FAM184A: variants seen among roughly 807,000 people sequenced by gnomAD.
FAM184A encodes the protein protein FAM184A.
In FAM184A, 99 loss-of-function variants were observed where a neutral mutation model predicts 143.8. The observed-to-expected ratio is 0.69, with a 90% CI of 0.58 to 0.81. The LOEUF is 0.81. Ranked by LOEUF, FAM184A falls within the 40% of genes least tolerant of loss-of-function variation. FAM184A has a pLI of 0.00. For synonymous variants in FAM184A, 427 were observed against 446.4 expected, an observed-to-expected ratio of 0.96 and a Z score of 0.55; for missense variants, 1,217 against 1,310.5, an observed-to-expected ratio of 0.93 and a Z score of 1.10.
At chr6:119,031,358 T>C (rs1785864473) in intron 1 of FAM184A, 1 of 152,152 alleles carries the variant, frequency 6.6e-6, no homozygotes, top group Non-Finnish European at 1.5e-5. Context: ...ACTGGTGCTA[T>C]TACATGAAGA....
At chr6:119,006,284 T>G (rs1784917283) in intron 7 of FAM184A, 163 bp downstream of exon 7, 1 of 772,976 alleles carries the variant, frequency 1.3e-6, no homozygotes, top group Non-Finnish European at 2.2e-6. Context: ...AGAATAAATT[T>G]CTGTTGTTTT....
At chr6:119,000,129 CAAT>C (rs1784700932) in intron 9 of FAM184A, among the ~76,000 whole-genome samples, 3 of 151,916 alleles carry the variant, frequency 2.0e-5, no homozygotes, top group Non-Finnish European at 4.4e-5. Flanking sequence ...TTTTTCAGTC[CAAT>C]GCTTTAAGGC....
intron 1 of FAM184A, among the ~76,000 whole-genome samples, chr6:119,089,792 G>A (rs9320675): frequency 0.2 from 30,137 of 151,944 alleles, 4,549 homozygotes; most frequent in African/African-American, 0.42. Flanking sequence ...GGTAAACATC[G>A]TTATAAAAGA....
rs1783781265 is a variant in FAM184A, at chr6:118,974,317, T to C, written c.2915+111A>G. On this transcript the variant is annotated intron_variant, in intron 14 of 17. Coordinates refer to ENST00000338891, the MANE Select transcript of FAM184A (RefSeq NM_024581.6). ...TCTGTAACACAGCACTAAAATTTTC[T>C]TTTTAAAGTATCCTTTTTATTAGAG... 3 of 1,049,708 alleles carry C rather than the reference T, an allele frequency of 2.9e-6. No individual in the cohort carries two copies. In the South Asian group the frequency reaches 5.5e-5, roughly 19 times the overall value. The allele number at this position is 1,049,708 out of a possible 1,614,324, so 65.0% of individuals were successfully genotyped here.
At chr6:119,005,716 A>G (rs907743862) in intron 7 of FAM184A, 82 of 179,022 alleles carry the variant, frequency 4.6e-4, no homozygotes, top group African/African-American at 1.8e-3. Flanking sequence ...TATACTCTAA[A>G]CCATCTCTCT....
chr6:119,072,607 T>C (rs1043870133), intron 1 of FAM184A, among the ~76,000 whole-genome samples: 2 of 152,202 alleles, frequency 1.3e-5, no homozygotes, highest in Non-Finnish European at 2.9e-5. Flanking sequence ...CATTCTGGTT[T>C]TGGATATAGT....
intron 1 of FAM184A, among the ~76,000 whole-genome samples, chr6:119,110,036 C>T (rs1788891874): frequency 6.6e-6 from 1 of 152,184 alleles, no homozygotes; most frequent in South Asian, 2.1e-4. Context: ...TTGGGCGCTG[C>T]TTCACCTAAC....
At chr6:119,133,989 A>G (rs1015441361) in intron 1 of FAM184A, among the ~76,000 whole-genome samples, 2 of 151,806 alleles carry the variant, frequency 1.3e-5, no homozygotes, top group African/African-American at 4.8e-5. Flanking sequence ...GCGAGTAAGC[A>G]TTTCTTGAAG....
intron 1 of FAM184A, among the ~76,000 whole-genome samples, chr6:119,031,115 C>A (rs1785853350): frequency 6.6e-6 from 1 of 151,936 alleles, no homozygotes; most frequent in African/African-American, 2.4e-5. Flanking sequence ...ATCAGATAAT[C>A]TTTCCCCCAG....
intron 1 of FAM184A, among the ~76,000 whole-genome samples, chr6:119,066,576 T>C (rs193087561): frequency 1.5e-4 from 23 of 152,262 alleles, no homozygotes; most frequent in African/African-American, 5.5e-4. Flanking sequence ...GAAGTAAGAA[T>C]AGAGAGAGCA....
chr6:119,142,296 G>T (rs1041255361), intron 1 of FAM184A, among the ~76,000 whole-genome samples: 1 of 152,172 alleles, frequency 6.6e-6, no homozygotes, highest in Non-Finnish European at 1.5e-5. Context: ...AGCCCTGATG[G>T]TGTCACTTCC....
intron 1 of FAM184A, among the ~76,000 whole-genome samples, chr6:119,119,557 T>C (rs945205284): frequency 4.6e-5 from 7 of 152,232 alleles, no homozygotes; most frequent in African/African-American, 1.7e-4. Context: ...TAAGATGGCA[T>C]ACTTTAAAAA....
chr6:118,997,166 A>C (rs1403707604), intron 9 of FAM184A, among the ~76,000 whole-genome samples: 1 of 151,066 alleles, frequency 6.6e-6, no homozygotes, highest in East Asian at 2.0e-4. Context: ...TTTGGGAGGC[A>C]GAGGTGGACA....
At chr6:119,044,362 C>T (rs1582547506) in intron 1 of FAM184A, among the ~76,000 whole-genome samples, 1 of 152,090 alleles carries the variant, frequency 6.6e-6, no homozygotes, top group Non-Finnish European at 1.5e-5. Context: ...GCACAAGAAT[C>T]ACTTGAGACC....
Position 119,022,856 on chromosome 6 carries a change from G to A in FAM184A, c.1150+89C>T, listed in dbSNP as rs1785497306. The stretch of plus-strand genomic sequence containing the variant: ...TGAGCCACTGCACTCCCGTCTGGGC[G>A]ACAGAGCAAGACTCTGTCTCCAAAA... On this transcript the variant is annotated intron_variant, in intron 3 of 17. Transcript: ENST00000338891. 7.9e-6 allele frequency: 12 copies of A among 1,523,332 alleles called. No homozygotes were observed. In the African/African-American group the frequency reaches 9.6e-5, roughly 12 times the overall value. The allele number at this position is 1,523,332 out of a possible 1,614,324, so 94.4% of individuals were successfully genotyped here.
chr6:119,077,284 T>TA (rs1787908811), intron 1 of FAM184A, among the ~76,000 whole-genome samples: 1 of 152,154 alleles, frequency 6.6e-6, no homozygotes, highest in Non-Finnish European at 1.5e-5. Flanking sequence ...AACAAGCTGT[T>TA]AGGAGACAGC....
intron 9 of FAM184A, 41 bp downstream of exon 9, chr6:119,002,858 C>T (rs1446117774): frequency 1.3e-6 from 2 of 1,508,870 alleles, no homozygotes; most frequent in Non-Finnish European, 1.8e-6. Context: ...CAGAGAATGT[C>T]AAGGGAGATG....
intron 6 of FAM184A, among the ~76,000 whole-genome samples, chr6:119,007,174 G>A (rs1474590473): frequency 6.6e-6 from 1 of 152,060 alleles, no homozygotes; most frequent in Non-Finnish European, 1.5e-5. Context: ...ATAGATAATT[G>A]CTGATTAAGC....
At chr6:119,065,527 C>T (rs536132439) in intron 1 of FAM184A, among the ~76,000 whole-genome samples, 44 of 152,294 alleles carry the variant, frequency 2.9e-4, no homozygotes, top group Non-Finnish European at 5.0e-4. Context: ...TAACACGTGT[C>T]CTTCCTTTAT....
Sources: gnomAD v4.1 joint callset for allele counts (sites outside exome capture counted in the v4.1 genomes callset) on GRCh38, gnomAD v4.1.1 for gene constraint, MANE v1.5 for transcripts, NCBI Gene and HGNC (gene_info 2026-07-23, HGNC 2026-07-21) for gene names.